ANKFN1: variants seen among roughly 807,000 people sequenced by gnomAD.
The protein encoded by ANKFN1 is ankyrin repeat and fibronectin type III domain containing 1.
ANKFN1 carries 74 observed loss-of-function variants against 108.7 expected under a neutral mutation model. The ratio of observed to expected loss-of-function variants is 0.68; its 90% CI spans 0.56 to 0.83. The LOEUF (loss-of-function observed/expected upper bound fraction) is 0.83, where lower values mean the gene tolerates loss of function less well. ANKFN1 is among the 40% of genes least tolerant of loss of function. ANKFN1 has a pLI of 0.00. For synonymous variants in ANKFN1, 547 were observed against 516.2 expected (o/e 1.06, Z -0.81); for missense variants, 1,505 against 1,382.3 (o/e 1.09, Z -1.41).
intron 3 of ANKFN1, among the ~76,000 whole-genome samples, chr17:56,287,961 G>A (rs2044261631): frequency 6.6e-6 from 1 of 152,140 alleles, no homozygotes; most frequent in Non-Finnish European, 1.5e-5. Flanking sequence ...CAATTGCCAG[G>A]CCTTCAGTAA....
chr17:56,264,447 G>A (rs1366454535), intron 3 of ANKFN1, among the ~76,000 whole-genome samples: 2 of 152,118 alleles, frequency 1.3e-5, no homozygotes, highest in Non-Finnish European at 2.9e-5. Flanking sequence ...CAGCAGCTCT[G>A]GTTTTCAAGA....
chr17:56,251,523 G>T (rs1179824666), intron 3 of ANKFN1, among the ~76,000 whole-genome samples: 1 of 152,128 alleles, frequency 6.6e-6, no homozygotes, highest in Non-Finnish European at 1.5e-5. Context: ...TGACTTAATT[G>T]CACATAGATC....
chr17:56,374,465 C>G, intron 7 of ANKFN1, 136 bp from the exon 8 acceptor site: 1 of 668,050 alleles, frequency 1.5e-6, no homozygotes, highest in Non-Finnish European at 2.6e-6. Context: ...TGAAAATGTT[C>G]AAAAGCGAAA....
intron 20 of ANKFN1, among the ~76,000 whole-genome samples, chr17:56,503,930 A>G (rs2051467222): frequency 1.3e-5 from 2 of 152,328 alleles, no homozygotes; most frequent in South Asian, 4.1e-4. Flanking sequence ...TAAAATAACA[A>G]CTGGGCAAGG....
chr17:56,196,862 T>A (rs1466449103), intron 1 of ANKFN1, among the ~76,000 whole-genome samples: 1 of 152,226 alleles, frequency 6.6e-6, no homozygotes, highest in African/African-American at 2.4e-5. Flanking sequence ...TTATGGCCCA[T>A]CAGAAAGGTC....
At chr17:56,164,854 C>T (rs1260415750) in intron 1 of ANKFN1, among the ~76,000 whole-genome samples, 2 of 152,158 alleles carry the variant, frequency 1.3e-5, no homozygotes, top group African/African-American at 4.8e-5. Flanking sequence ...AAATAAAATC[C>T]AGTTCAGACT....
At chr17:56,061,782 C>G (rs766812384) in intron 4 of ANKFN1, among the ~76,000 whole-genome samples, 1 of 151,922 alleles carries the variant, frequency 6.6e-6, no homozygotes, top group Non-Finnish European at 1.5e-5. Context: ...TCTTAGCTAG[C>G]TTTTGGATAG....
rs772245970 is a variant in ANKFN1 at position 56,516,615 on chromosome 17, A to G, written c.*5346A>G. Among the ~76,000 whole-genome samples the G allele has an allele frequency of 9.2e-5, 14 of 152,198 alleles. No individual in the cohort carries two copies. Among genetic ancestry groups the G allele is most frequent in the Non-Finnish European group, 1.8e-4 (12 of 68,028 alleles). On this transcript the variant is annotated 3_prime_UTR_variant, in exon 21 of 21. Transcript: ENST00000682825. ...CATTTGAAAACTATTTGAACAATCTAAATGTGTACTGTAAATGTCCAGTAC... is the reference window on the plus strand; with the variant it reads ...CATTTGAAAACTATTTGAACAATCTGAATGTGTACTGTAAATGTCCAGTAC...
Position 56,510,913 on chromosome 17 carries a change from C to T in ANKFN1, c.3085C>T (p.Leu1029Phe), listed in dbSNP as rs1217469872. 2.6e-5 allele frequency: 40 copies of T among 1,536,190 alleles called. No homozygotes were observed. The highest frequency in any genetic ancestry group is 3.5e-5 in the Non-Finnish European group (40 of 1,146,912). The stretch of plus-strand genomic sequence containing the variant: ...CCACAGCGAGACCCAGTCGCTATCG[C>T]TCTCTGAGGGCATTTATACACAGCA... ...RIHSETQSLS[L>F]SEGIYTQHLS... The change falls in exon 21 of 21, where the codon CTC (leucine) becomes TTC (phenylalanine). Residue 1029 changes from leucine to phenylalanine, a missense_variant. Leu to Phe is a conservative substitution (Grantham distance 22). Coordinates refer to ENST00000682825, the MANE Select transcript of ANKFN1 (RefSeq NM_001370326.1).
At chr17:56,396,710 T>C (rs2144906531) in intron 8 of ANKFN1, among the ~76,000 whole-genome samples, 1 of 152,292 alleles carries the variant, frequency 6.6e-6, no homozygotes, top group South Asian at 2.1e-4. Flanking sequence ...CATACAGTCC[T>C]GTGGAGTAGG....
chr17:56,126,431 G>A (rs1047078554), intron 4 of ANKFN1, among the ~76,000 whole-genome samples: 56 of 152,158 alleles, frequency 3.7e-4, no homozygotes, highest in Non-Finnish European at 5.9e-5. Context: ...ATAGAGGGGG[G>A]AGGGGAGGCT....
chr17:56,209,465 A>G (rs1914797693), intron 1 of ANKFN1, among the ~76,000 whole-genome samples: 1 of 152,200 alleles, frequency 6.6e-6, no homozygotes, highest in African/African-American at 2.4e-5. Flanking sequence ...GAATTACCCT[A>G]GTGTCAAAGA....
intron 4 of ANKFN1, among the ~76,000 whole-genome samples, chr17:56,344,689 G>A (rs954541814): frequency 6.6e-6 from 1 of 151,670 alleles, no homozygotes; most frequent in South Asian, 2.1e-4. Context: ...CAGAAAAAAA[G>A]GCTATTAGCC....
intron 3 of ANKFN1, among the ~76,000 whole-genome samples, chr17:56,246,750 A>C (rs895929925): frequency 6.6e-6 from 1 of 152,258 alleles, no homozygotes; most frequent in Admixed American, 6.5e-5. Flanking sequence ...AAAAAAACGC[A>C]GGCCATTTCC....
chr17:56,314,286 C>G (rs2045132596), intron 3 of ANKFN1, among the ~76,000 whole-genome samples: 1 of 152,078 alleles, frequency 6.6e-6, no homozygotes, highest in Non-Finnish European at 1.5e-5. Flanking sequence ...GTGGGTAGAA[C>G]CCAGAAGTCG....
At chr17:56,330,640 T>C (rs1347698245) in intron 4 of ANKFN1, among the ~76,000 whole-genome samples, 1 of 152,170 alleles carries the variant, frequency 6.6e-6, no homozygotes, top group African/African-American at 2.4e-5. Flanking sequence ...TTCCCAGTTT[T>C]AGCTCTGAAA....
chr17:56,290,139 T>A (rs1480142128), intron 3 of ANKFN1, among the ~76,000 whole-genome samples: 1 of 152,166 alleles, frequency 6.6e-6, no homozygotes, highest in Non-Finnish European at 1.5e-5. Flanking sequence ...TCCAATTCTG[T>A]TTTCCTCTGC....
rs75849073 is a variant in ANKFN1 at position 56,514,647 on chromosome 17, C to T, written c.*3378C>T. Among the ~76,000 whole-genome samples, 1,159 of 152,258 alleles carry T rather than the reference C, an allele frequency of 7.6e-3. 5 individuals carry two copies. Among genetic ancestry groups the T allele is most frequent in the Non-Finnish European group, 0.011 (757 of 68,000 alleles). ...GATGAGAGCCATTCCCTTTAAAGAA[C>T]ATTCACTAATGCTCGAAGCAATAAT... On this transcript the variant is annotated 3_prime_UTR_variant, in exon 21 of 21. Coordinates refer to ENST00000682825, the MANE Select transcript of ANKFN1 (RefSeq NM_001370326.1).
intron 8 of ANKFN1, among the ~76,000 whole-genome samples, chr17:56,431,930 G>A (rs978186249): frequency 3.3e-5 from 5 of 152,168 alleles, no homozygotes; most frequent in African/African-American, 1.2e-4. Flanking sequence ...AAAATAGCTT[G>A]CTGGAGCTCT....
Sources: gnomAD v4.1 joint callset for allele counts (sites outside exome capture counted in the v4.1 genomes callset) on GRCh38, gnomAD v4.1.1 for gene constraint, MANE v1.5 for transcripts, NCBI Gene and HGNC (gene_info 2026-07-23, HGNC 2026-07-21) for gene names.